Variants in MAGI2 observed in about 807,000 individuals in gnomAD.
MAGI2 encodes the protein membrane-associated guanylate kinase, WW and PDZ domain-containing protein 2.
MAGI2 carries 35 observed loss-of-function variants against 133.3 expected under a neutral mutation model. The observed-to-expected ratio is 0.26, with a 90% CI of 0.20 to 0.35. The LOEUF is 0.35. MAGI2 is among the 10% of genes least tolerant of loss of function. MAGI2 has a pLI of 1.00. For missense variants in MAGI2, 1,636 were observed against 1,863.4 expected, an observed-to-expected ratio of 0.88 and a Z score of 2.25; for synonymous variants, 729 against 710.6, an observed-to-expected ratio of 1.03 and a Z score of -0.41.
intron 2 of MAGI2, among the ~76,000 whole-genome samples, chr7:78,884,802 A>C (rs1584274491): frequency 6.6e-6 from 1 of 152,358 alleles, no homozygotes; most frequent in East Asian, 1.9e-4. Context: ...TTTTCAACCC[A>C]GCAATCCCAT....
chr7:79,442,850 C>T (rs2365418), intron 1 of MAGI2, among the ~76,000 whole-genome samples: 80 of 151,864 alleles, frequency 5.3e-4, no homozygotes, highest in African/African-American at 1.8e-3. Flanking sequence ...ACTTTTGGAA[C>T]ATTTTAGTGA....
intron 6 of MAGI2, among the ~76,000 whole-genome samples, chr7:78,372,508 T>C (rs1001334982): frequency 6.6e-6 from 1 of 152,184 alleles, no homozygotes; most frequent in Non-Finnish European, 1.5e-5. Flanking sequence ...TTGACAAATC[T>C]GTGGATGATT....
rs536343725 is a variant in MAGI2, at chr7:79,214,994, A to T, written c.302-207788T>A. On this transcript the variant is annotated intron_variant, in intron 1 of 21. Coordinates refer to ENST00000354212, the MANE Select transcript of MAGI2 (RefSeq NM_012301.4). ...TGGTTTACAAGTACGTTTGTACACA[A>T]ATATTTCTAAACCAAAAATAAAATT... is the stretch of plus-strand genomic sequence containing the variant. 5.3e-5 allele frequency among the ~76,000 whole-genome samples: 8 copies of T among 150,962 alleles called. No individual in the cohort carries two copies. In the East Asian group the frequency reaches 1.5e-3, roughly 29 times the overall value.
intron 21 of MAGI2, among the ~76,000 whole-genome samples, chr7:78,059,771 A>ATT (rs1240632282): frequency 2.4e-5 from 2 of 82,672 alleles, no homozygotes; most frequent in African/African-American, 1.0e-4. Flanking sequence ...ATATATATAT[A>ATT]TATATATTTT....
At chr7:78,195,166 C>T in intron 11 of MAGI2, 103 bp from the exon 12 acceptor site, 1 of 885,778 alleles carries the variant, frequency 1.1e-6, no homozygotes, top group Non-Finnish European at 1.7e-6. Context: ...ACTTTTCTTC[C>T]AGGGGATGGG....
intron 3 of MAGI2, among the ~76,000 whole-genome samples, chr7:78,555,715 C>A (rs1299869711): frequency 2.0e-5 from 3 of 152,146 alleles, no homozygotes; most frequent in South Asian, 4.1e-4. Context: ...CTTACCATTA[C>A]CACATTTGAG....
intron 21 of MAGI2, chr7:78,034,844 A>G (rs1810008608): frequency 6.6e-6 from 1 of 152,208 alleles, no homozygotes; most frequent in Non-Finnish European, 1.5e-5. Flanking sequence ...TCTCACTTTT[A>G]TACACCCAAA....
chr7:78,836,186 G>A (rs558738348), intron 2 of MAGI2, among the ~76,000 whole-genome samples: 1 of 152,300 alleles, frequency 6.6e-6, no homozygotes, highest in South Asian at 2.1e-4. Context: ...CCAACATGAT[G>A]CAAATGAATT....
chr7:78,147,134 G>A (rs1022926634), intron 16 of MAGI2, among the ~76,000 whole-genome samples: 1 of 152,180 alleles, frequency 6.6e-6, no homozygotes, highest in South Asian at 2.1e-4. Flanking sequence ...TCCACTAACA[G>A]TGTATACAGT....
At chr7:78,973,687 G>A (rs763593) in intron 2 of MAGI2, among the ~76,000 whole-genome samples, 92,521 of 151,374 alleles carry the variant, frequency 0.61, 28,778 homozygotes, top group East Asian at 0.82. Flanking sequence ...TGAGGCCTGC[G>A]GAGAAAAGCA....
chr7:78,901,061 T>C (rs1273536640), intron 2 of MAGI2, among the ~76,000 whole-genome samples: 1 of 152,170 alleles, frequency 6.6e-6, no homozygotes, highest in Non-Finnish European at 1.5e-5. Context: ...GATAGATCAG[T>C]TAAGATTCAG....
chr7:78,318,958 TGAAG>T, intron 9 of MAGI2, among the ~76,000 whole-genome samples: 1 of 152,234 alleles, frequency 6.6e-6, no homozygotes, highest in African/African-American at 2.4e-5. Flanking sequence ...CAAGAGCTCC[TGAAG>T]GAAGCACTAA....
At chr7:78,915,283 CT>C (rs899396717) in intron 2 of MAGI2, among the ~76,000 whole-genome samples, 4 of 152,082 alleles carry the variant, frequency 2.6e-5, no homozygotes, top group Non-Finnish European at 5.9e-5. Flanking sequence ...AATACAATAT[CT>C]GAAATTTATT....
At chr7:79,090,291 C>T (rs1040322347) in intron 1 of MAGI2, among the ~76,000 whole-genome samples, 2 of 151,720 alleles carry the variant, frequency 1.3e-5, no homozygotes, top group African/African-American at 2.4e-5. Context: ...AATTATTTAA[C>T]CTGGATTTAT....
chr7:78,028,144 A>G (rs1157250677), intron 21 of MAGI2, among the ~76,000 whole-genome samples: 1 of 152,232 alleles, frequency 6.6e-6, no homozygotes, highest in East Asian at 1.9e-4. Flanking sequence ...CAAAATATAA[A>G]CAAAAGTACC....
intron 2 of MAGI2, among the ~76,000 whole-genome samples, chr7:78,657,311 T>C (rs901055748): frequency 6.6e-6 from 1 of 152,152 alleles, no homozygotes; most frequent in African/African-American, 2.4e-5. Context: ...GATCTAGCAA[T>C]TACACTCCTT....
chr7:79,186,729 G>GTA (rs371482167), intron 1 of MAGI2, among the ~76,000 whole-genome samples: 15,509 of 121,036 alleles, frequency 0.13, 2,534 homozygotes, highest in African/African-American at 0.37. Flanking sequence ...TTATACAAAA[G>GTA]TATATATATA....
chr7:78,471,479 A>T (rs751470258), intron 6 of MAGI2, among the ~76,000 whole-genome samples: 1 of 152,150 alleles, frequency 6.6e-6, no homozygotes, highest in Non-Finnish European at 1.5e-5. Flanking sequence ...GTAACATAAA[A>T]CTAGTGATGA....
intron 3 of MAGI2, among the ~76,000 whole-genome samples, chr7:78,527,012 AAAAAAAAAAAAAAAAAAAAAAAG>A (rs1797019808): frequency 7.8e-6 from 1 of 128,076 alleles, no homozygotes; most frequent in Non-Finnish European, 1.6e-5. Context: ...ATCTCAAAAA[AAAAAAAAAAAAAAAAAAAAAAAG>A]AAAAAGAAAA....
Sources: gnomAD v4.1 joint callset for allele counts (sites outside exome capture counted in the v4.1 genomes callset) on GRCh38, gnomAD v4.1.1 for gene constraint, MANE v1.5 for transcripts, NCBI Gene and HGNC (gene_info 2026-07-23, HGNC 2026-07-21) for gene names.